Variants in ZCRB1 observed in about 807,000 individuals in gnomAD.
ZCRB1 encodes zinc finger CCHC-type and RNA binding motif containing 1, also known as zinc finger CCHC-type and RNA-binding motif-containing protein 1.
A neutral mutation model predicts 29.9 loss-of-function variants in ZCRB1; 21 were observed. The ratio of observed to expected loss-of-function variants is 0.70; its 90% confidence interval spans 0.50 to 1.01. The LOEUF (loss-of-function observed/expected upper bound fraction) is 1.01, where lower values mean the gene tolerates loss of function less well. Among genes scored for constraint, ZCRB1 ranks in the 50% least tolerant of loss-of-function variants. The pLI, the probability that ZCRB1 is intolerant of heterozygous loss-of-function variation, is 0.00. For missense variants in ZCRB1, 204 were observed against 253.3 expected (o/e 0.81, Z 1.32); for synonymous variants, 77 against 80.0 (o/e 0.96, Z 0.20).
rs1283248884 is a variant in ZCRB1 at position 42,312,909 on chromosome 12, A to G, written c.*158T>C. The G allele has an allele frequency of 1.1e-5, 9 of 791,286 alleles. No homozygotes were observed. The highest frequency in any genetic ancestry group is 1.5e-5 in the Non-Finnish European group (9 of 584,412). 49.0% of individuals were successfully genotyped at this position (791,286 alleles called of 1,614,324 possible). A position where few individuals can be genotyped will look rare whatever the true frequency, so the allele number is the denominator to read the frequency against. ...ATCAGGCATGAATAAAGCCCTTATA[A>G]TGAACTTTTCAAATAAATTTTTAAA... On this transcript the variant is annotated 3_prime_UTR_variant, in exon 8 of 8. Transcript: ENST00000266529.
chr12:42,322,214 T>C (rs530127475), intron 3 of ZCRB1, among the ~76,000 whole-genome samples: 9 of 148,372 alleles, frequency 6.1e-5, no homozygotes, highest in Admixed American at 4.8e-4. Flanking sequence ...AAAAGAAAAT[T>C]GTATGTATGT....
In ZCRB1 at chr12:42,313,963, G is replaced by A; in HGVS notation, c.357C>T (p.Ala119=). The A allele has an allele frequency of 2.5e-6, 4 of 1,598,712 alleles. No individual in the cohort carries two copies. The South Asian group carries it at 4.6e-5, about 19-fold the overall frequency. Residue 119 remains alanine, a synonymous_variant, in exon 6 of 8, where the codon GCC becomes GCT. Transcript: ENST00000266529. ...ECGESGHLSY[A]CPKNMLGERE... is the part of the protein sequence containing the mutation. ...GTTCTCCGAGCATATTTTTCGGACAGGCATAACTTAAGTGTCCACTTTCCT... is the reference window on the plus strand; with the variant it reads ...GTTCTCCGAGCATATTTTTCGGACAAGCATAACTTAAGTGTCCACTTTCCT...
chr12:42,321,605 CT>C (rs1205083640), intron 3 of ZCRB1, among the ~76,000 whole-genome samples: 1 of 152,064 alleles, frequency 6.6e-6, no homozygotes, highest in Non-Finnish European at 1.5e-5. Context: ...TTTGATAATG[CT>C]TTTTTAATAG....
intron 2 of ZCRB1, chr12:42,323,815 A>G: frequency 1.8e-6 from 1 of 553,072 alleles, no homozygotes. Context: ...TGGGAGGATG[A>G]GGTGGGAGGA....
intron 5 of ZCRB1, among the ~76,000 whole-genome samples, chr12:42,314,383 A>C (rs908594623): frequency 7.8e-6 from 1 of 127,962 alleles, no homozygotes; most frequent in Non-Finnish European, 1.6e-5. Flanking sequence ...AAAATGGTGA[A>C]ATCCCGTCTC....
In ZCRB1 at chr12:42,317,351, A is replaced by G. The variant is rs760986071; in HGVS notation, c.322T>C (p.Tyr108His). Residue 108 changes from tyrosine (Y) to histidine (H), a missense_variant, in exon 5 of 8, where the codon TAT (tyrosine) becomes CAT (histidine). Coordinates refer to ENST00000266529, the MANE Select transcript of ZCRB1 (RefSeq NM_033114.4). The stretch of plus-strand genomic sequence containing the variant: ...TTAGGTTTACTTACCCCACATTCAT[A>G]ACACTTAGATTTATCAAAGTAGTTT... ...RRNYFDKSKC[Y>H]ECGESGHLSY... 5 of 1,608,540 alleles carry G rather than the reference A, an allele frequency of 3.1e-6. No individual in the cohort carries two copies. Among genetic ancestry groups the G allele is most frequent in the Non-Finnish European group, 3.4e-6 (4 of 1,178,132 alleles).
At chr12:42,323,689 T>C in intron 2 of ZCRB1, 1 of 231,380 alleles carries the variant, frequency 4.3e-6, no homozygotes, top group Admixed American at 5.4e-5. Context: ...TGGAGTGCAG[T>C]GGTGTGACCT....
intron 2 of ZCRB1, chr12:42,323,779 G>A (rs994861676): frequency 6.0e-6 from 3 of 501,520 alleles, no homozygotes; most frequent in South Asian, 2.5e-5. Flanking sequence ...GAGGCATGGT[G>A]GCACACACCT....
At chr12:42,317,255 GA>G in intron 5 of ZCRB1, 84 bp downstream of exon 5, 1 of 899,994 alleles carries the variant, frequency 1.1e-6, no homozygotes, top group Admixed American at 2.8e-5. Flanking sequence ...TAGCCAGTCA[GA>G]AGTTTTGGTG....
At chr12:42,323,758 G>A (rs756751311) in intron 2 of ZCRB1, 17 of 433,724 alleles carry the variant, frequency 3.9e-5, no homozygotes, top group Non-Finnish European at 6.7e-5. Flanking sequence ...CAGTCTCCCA[G>A]GTAGCTTGTA....
At chr12:42,313,581 G>A in intron 7 of ZCRB1, 109 bp downstream of exon 7, 1 of 1,172,282 alleles carries the variant, frequency 8.5e-7, no homozygotes. Context: ...TAAGGCTTAG[G>A]AGGTTAGGGG....
intron 3 of ZCRB1, among the ~76,000 whole-genome samples, chr12:42,318,418 T>C (rs2068605375): frequency 6.6e-6 from 1 of 152,046 alleles, no homozygotes; most frequent in Non-Finnish European, 1.5e-5. Flanking sequence ...TGCTTGAGCA[T>C]GGGAGTTTGA....
At chr12:42,313,310 C>G in intron 7 of ZCRB1, 112 bp from the exon 8 acceptor site, 1 of 1,146,788 alleles carries the variant, frequency 8.7e-7, no homozygotes, top group Non-Finnish European at 1.2e-6. Flanking sequence ...CCCACCCTCC[C>G]AGTCCATGCA....
At chr12:42,315,863 A>C (rs1592102037) in intron 5 of ZCRB1, among the ~76,000 whole-genome samples, 1 of 152,310 alleles carries the variant, frequency 6.6e-6, no homozygotes, top group South Asian at 2.1e-4. Context: ...TGACAGAATC[A>C]GTATGTATCC....
chr12:42,314,281 C>T lies in ZCRB1; in HGVS notation c.334-295G>A, dbSNP rs577607223. On this transcript the variant is annotated intron_variant, in intron 5 of 7. Transcript: ENST00000266529. ...AATTCAAGATATAAAACAGTTTGGT[C>T]GGGCGCGGTGGCTCACGCCTGTAAT... Among the ~76,000 whole-genome samples the T allele has an allele frequency of 7.9e-5, 12 of 151,350 alleles. No homozygotes were observed. The South Asian group carries it at 1.7e-3, about 21-fold the overall frequency.
chr12:42,324,057 T>A lies in ZCRB1; in HGVS notation c.46A>T (p.Asn16Tyr). 6.2e-7 allele frequency: 1 copy of A among 1,614,230 alleles called. No individual in the cohort carries two copies. The highest frequency in any genetic ancestry group is 8.5e-7 in the Non-Finnish European group (1 of 1,180,046). Residue 16 changes from asparagine to tyrosine, a missense_variant, in exon 2 of 8, where the codon AAC (asparagine) becomes TAC (tyrosine). Asn to Tyr is a moderately radical substitution (Grantham distance 143). Coordinates refer to ENST00000266529, the MANE Select transcript of ZCRB1 (RefSeq NM_033114.4). ...APSKSTVYVS[N>Y]LPFSLTNNDL... ...TTGTTTGTCAGGGAAAAAGGCAAGT[T>A]GGATACATACACTGTGCTCTTACTT...
intron 3 of ZCRB1, among the ~76,000 whole-genome samples, chr12:42,319,906 C>A (rs1413503326): frequency 6.6e-6 from 1 of 152,162 alleles, no homozygotes; most frequent in Non-Finnish European, 1.5e-5. Flanking sequence ...ACTCTGTTAG[C>A]CTCAAGCCCA....
In ZCRB1 at chr12:42,317,988, A is replaced by C. The variant is rs887955877; in HGVS notation, c.114-90T>G. 9.3e-6 allele frequency: 9 copies of C among 968,146 alleles called. No individual in the cohort carries two copies. The African/African-American group carries it at 1.0e-4, about 11-fold the overall frequency. 60.0% of individuals were successfully genotyped at this position (968,146 alleles called of 1,614,324 possible). Reference sequence around the variant, plus strand: ...AAAATTCATTTTAAAAAGGGCTAAAAATTTATAAGATAAATTAATACATTT... The same window carrying C: ...AAAATTCATTTTAAAAAGGGCTAAACATTTATAAGATAAATTAATACATTT... On this transcript the variant is annotated intron_variant, in intron 3 of 7. Coordinates refer to ENST00000266529, the MANE Select transcript of ZCRB1 (RefSeq NM_033114.4).
intron 3 of ZCRB1, among the ~76,000 whole-genome samples, chr12:42,319,947 T>C (rs2137531892): frequency 6.6e-6 from 1 of 152,218 alleles, no homozygotes; most frequent in South Asian, 2.1e-4. Flanking sequence ...GTTTTTACCC[T>C]CAGGAGAAAT....
Sources: allele counts gnomAD v4.1 joint callset (sites outside exome capture counted in the v4.1 genomes callset), GRCh38; gene constraint gnomAD v4.1.1; transcripts MANE v1.5; gene names NCBI Gene and HGNC (gene_info 2026-07-23, HGNC 2026-07-21).